TGFA: variants seen among roughly 807,000 people sequenced by gnomAD.
TGFA encodes the protein protransforming growth factor alpha.
Under a neutral mutation model 21.7 loss-of-function variants are expected in TGFA, and 12 were observed. The observed-to-expected ratio is 0.55, with a 90% confidence interval of 0.35 to 0.90. The LOEUF (loss-of-function observed/expected upper bound fraction) is 0.90. TGFA is among the 40% of genes least tolerant of loss of function. The pLI is 0.01. For synonymous variants in TGFA, 79 were observed against 88.1 expected, an observed-to-expected ratio of 0.90 and a Z score of 0.58; for missense variants, 178 against 210.8, an observed-to-expected ratio of 0.84 and a Z score of 0.96.
At chr2:70,536,017 G>C (rs781799438) in intron 1 of TGFA, among the ~76,000 whole-genome samples, 4 of 152,172 alleles carry the variant, frequency 2.6e-5, no homozygotes, top group Non-Finnish European at 4.4e-5. Flanking sequence ...AGTTAAAATT[G>C]AGCAGAGTTC....
intron 2 of TGFA, among the ~76,000 whole-genome samples, chr2:70,471,491 C>T (rs1670749837): frequency 6.6e-6 from 1 of 152,200 alleles, no homozygotes; most frequent in Non-Finnish European, 1.5e-5. Flanking sequence ...TTTACTAAAG[C>T]CATCTCCAAC....
At chr2:70,492,450 A>G (rs1671463800) in intron 2 of TGFA, among the ~76,000 whole-genome samples, 4 of 152,084 alleles carry the variant, frequency 2.6e-5, no homozygotes, top group African/African-American at 9.7e-5. Flanking sequence ...TGCATGCCCC[A>G]TTTCTCACCA....
intron 1 of TGFA, among the ~76,000 whole-genome samples, chr2:70,522,962 A>C (rs781965409): frequency 6.6e-6 from 1 of 152,214 alleles, no homozygotes; most frequent in Non-Finnish European, 1.5e-5. Flanking sequence ...ATTGAACTCC[A>C]TTATAAATAG....
At chr2:70,459,229 C>T (rs1670338118) in intron 3 of TGFA, among the ~76,000 whole-genome samples, 1 of 152,156 alleles carries the variant, frequency 6.6e-6, no homozygotes, top group Admixed American at 6.5e-5. Flanking sequence ...ATACTGGAGA[C>T]CCCAATACAT....
In TGFA at chr2:70,448,567, C is replaced by T. The variant is rs1669955279; in HGVS notation, c.*2292G>A. On this transcript the variant is annotated 3_prime_UTR_variant, in exon 6 of 6. Coordinates refer to ENST00000295400, the MANE Select transcript of TGFA (RefSeq NM_003236.4). ...AAAGACTACCATTGCCATTAAATGGCAGAGGGATCCAATGCTTATCAGTCA... is the reference window on the plus strand; with the variant it reads ...AAAGACTACCATTGCCATTAAATGGTAGAGGGATCCAATGCTTATCAGTCA... The T allele has an allele frequency of 6.6e-6, 1 of 152,206 alleles. No homozygotes were observed. The highest frequency in any genetic ancestry group is 1.5e-5 in the Non-Finnish European group (1 of 68,044). The allele number at this position is 152,206 out of a possible 1,614,324, so 9.4% of individuals were successfully genotyped here.
intron 1 of TGFA, 30 bp downstream of exon 1, chr2:70,553,681 AGCAGGGTGTCGCGCGGC>A: frequency 7.5e-7 from 1 of 1,332,930 alleles, no homozygotes; most frequent in Non-Finnish European, 9.6e-7. Flanking sequence ...GACCGGGGGA[AGCAGGGTGTCGCGCGGC>A]GCAGGGGGCG....
chr2:70,490,068 T>A (rs1348972187), intron 2 of TGFA, among the ~76,000 whole-genome samples: 1 of 152,196 alleles, frequency 6.6e-6, no homozygotes, highest in Non-Finnish European at 1.5e-5. Context: ...TTCAGGTGAT[T>A]GTAACATATA....
chr2:70,480,283 G>C (rs142765952), intron 2 of TGFA, among the ~76,000 whole-genome samples: 2 of 152,164 alleles, frequency 1.3e-5, no homozygotes, highest in Non-Finnish European at 2.9e-5. Context: ...GCAGGATCCA[G>C]ATGGCCTGCC....
At chr2:70,500,135 A>G (rs1413651391) in intron 2 of TGFA, among the ~76,000 whole-genome samples, 2 of 152,204 alleles carry the variant, frequency 1.3e-5, no homozygotes, top group Non-Finnish European at 2.9e-5. Context: ...GGAACTAGCC[A>G]TGTGTCAAGC....
intron 1 of TGFA, among the ~76,000 whole-genome samples, chr2:70,520,894 G>A (rs551838711): frequency 5.9e-5 from 9 of 152,114 alleles, no homozygotes; most frequent in East Asian, 1.9e-4. Flanking sequence ...GGTTCTGGGC[G>A]GGACTGATAA....
chr2:70,553,634 C>T (rs1420520541), intron 1 of TGFA, 94 bp downstream of exon 1: 4 of 1,305,148 alleles, frequency 3.1e-6, no homozygotes, highest in African/African-American at 1.5e-5. Context: ...CTCTCCCAGG[C>T]GGGCGCAGAA....
chr2:70,467,158 C>T (rs1325269997), intron 2 of TGFA, among the ~76,000 whole-genome samples: 4 of 152,032 alleles, frequency 2.6e-5, no homozygotes, highest in Non-Finnish European at 4.4e-5. Context: ...ACCTATGTAA[C>T]GAACCTGCAC....
intron 1 of TGFA, among the ~76,000 whole-genome samples, chr2:70,543,539 A>AG (rs1673199319): frequency 4.6e-5 from 7 of 151,034 alleles, no homozygotes. Context: ...AAAAAAAAAA[A>AG]GAAAAAAAAA....
chr2:70,509,286 C>G (rs782013230), intron 2 of TGFA, among the ~76,000 whole-genome samples: 1 of 152,140 alleles, frequency 6.6e-6, no homozygotes, highest in Admixed American at 6.5e-5. Flanking sequence ...TTTTGTTAGG[C>G]GAGATGAGCA....
At chr2:70,553,469 C>A (rs1408918344) in intron 1 of TGFA, 2 of 1,406,858 alleles carry the variant, frequency 1.4e-6, no homozygotes, top group Non-Finnish European at 1.8e-6. Flanking sequence ...CGTTCACACT[C>A]CGCTTCCCCT....
intron 2 of TGFA, among the ~76,000 whole-genome samples, chr2:70,499,560 C>CTT (rs1553498836): frequency 6.6e-6 from 1 of 152,228 alleles, no homozygotes. Flanking sequence ...TGCCAACAGC[C>CTT]TATGGTCCAC....
At chr2:70,546,121 A>G (rs536409354) in intron 1 of TGFA, among the ~76,000 whole-genome samples, 3 of 152,210 alleles carry the variant, frequency 2.0e-5, no homozygotes, top group African/African-American at 7.2e-5. Flanking sequence ...CTAGAAATTT[A>G]TTCTAAATAT....
At chr2:70,468,160 C>T (rs552022058) in intron 2 of TGFA, among the ~76,000 whole-genome samples, 1 of 152,338 alleles carries the variant, frequency 6.6e-6, no homozygotes, top group East Asian at 1.9e-4. Context: ...AAAACCACTA[C>T]AGTAAGTAAT....
At chr2:70,553,629 C>A in intron 1 of TGFA, 99 bp downstream of exon 1, 1 of 1,307,506 alleles carries the variant, frequency 7.6e-7, no homozygotes, top group South Asian at 2.3e-5. Flanking sequence ...CTCCACTCTC[C>A]CAGGCGGGCG....
Sources: allele counts gnomAD v4.1 joint callset (sites outside exome capture counted in the v4.1 genomes callset), GRCh38; gene constraint gnomAD v4.1.1; transcripts MANE v1.5; gene names NCBI Gene and HGNC (gene_info 2026-07-23, HGNC 2026-07-21).